COA1: variants seen among roughly 807,000 people sequenced by gnomAD.
The protein encoded by COA1 is cytochrome c oxidase assembly factor 1 homolog.
Under a neutral mutation model 16.0 loss-of-function variants are expected in COA1, and 13 were observed. The ratio of observed to expected loss-of-function variants is 0.81; its 90% CI spans 0.53 to 1.29. COA1 has a LOEUF of 1.29. COA1 is among the 50% of genes most tolerant of loss of function. The pLI, the probability that COA1 is intolerant of heterozygous loss-of-function variation, is 0.00. For synonymous variants in COA1, 65 were observed against 65.7 expected, an observed-to-expected ratio of 0.99 and a Z score of 0.05; for missense variants, 179 against 177.0, an observed-to-expected ratio of 1.01 and a Z score of -0.06.
intron 1 of COA1, among the ~76,000 whole-genome samples, chr7:43,685,284 G>A (rs892862322): frequency 5.3e-5 from 8 of 152,098 alleles, no homozygotes; most frequent in Admixed American, 2.6e-4. Flanking sequence ...AGAGGCAAAG[G>A]GGTGCCCTAT....
intron 1 of COA1, among the ~76,000 whole-genome samples, chr7:43,702,885 C>T (rs2094807063): frequency 6.6e-6 from 1 of 152,094 alleles, no homozygotes; most frequent in African/African-American, 2.4e-5. Context: ...TTTTCTTCTG[C>T]TAGTTTTGAG....
chr7:43,677,294 G>A (rs1363744533), intron 1 of COA1, among the ~76,000 whole-genome samples: 1 of 151,948 alleles, frequency 6.6e-6, no homozygotes, highest in Non-Finnish European at 1.5e-5. Context: ...AAAACATCTG[G>A]GAAAGAAACC....
At chr7:43,683,677 T>C (rs761088814) in intron 1 of COA1, among the ~76,000 whole-genome samples, 4 of 152,138 alleles carry the variant, frequency 2.6e-5, no homozygotes, top group South Asian at 4.1e-4. Flanking sequence ...TCTCAGTAAG[T>C]AGTTCAAATT....
At chr7:43,717,549 T>C (rs566947082) in intron 1 of COA1, among the ~76,000 whole-genome samples, 1 of 152,342 alleles carries the variant, frequency 6.6e-6, no homozygotes, top group African/African-American at 2.4e-5. Flanking sequence ...TACGGGCTTA[T>C]AGGCAGAAGG....
intron 1 of COA1, among the ~76,000 whole-genome samples, chr7:43,692,632 T>C (rs528657459): frequency 1.3e-5 from 2 of 152,220 alleles, no homozygotes; most frequent in Non-Finnish European, 2.9e-5. Flanking sequence ...TCTCATTTCA[T>C]GATGTACAGA....
intron 1 of COA1, among the ~76,000 whole-genome samples, chr7:43,713,973 T>C (rs1563461562): frequency 6.7e-6 from 1 of 150,030 alleles, no homozygotes; most frequent in Non-Finnish European, 1.5e-5. Flanking sequence ...GAGACAAAGG[T>C]TGCAGTGAGC....
intron 1 of COA1, among the ~76,000 whole-genome samples, chr7:43,710,916 G>T (rs1029463738): frequency 6.6e-6 from 1 of 152,044 alleles, no homozygotes; most frequent in Non-Finnish European, 1.5e-5. Flanking sequence ...AGCTGCCAGG[G>T]TTTCATTGTC....
At chr7:43,634,121 T>C (rs956105768) in intron 6 of COA1, among the ~76,000 whole-genome samples, 4 of 151,490 alleles carry the variant, frequency 2.6e-5, no homozygotes, top group Admixed American at 2.0e-4. Flanking sequence ...CACTGAATCT[T>C]TTTTTTAAAT....
At position 43,647,683 on chromosome 7, in the gene COA1, CA is replaced by C. The variant is rs772418941; in HGVS notation, c.16-50del. The C allele has an allele frequency of 3.6e-5, 54 of 1,489,716 alleles. 1 individual carries two copies. The South Asian group carries it at 6.1e-4, about 17-fold the overall frequency. 92.3% of individuals were successfully genotyped at this position (1,489,716 alleles called of 1,614,324 possible). On this transcript the variant is annotated intron_variant, in intron 2 of 5. Coordinates refer to ENST00000223336, the MANE Select transcript of COA1 (RefSeq NM_018224.4). ...TATTGTAGGATTCCCAGTTTTGTGCCAAGGGGATTTGCCCGGCTTGGACCCC... is the reference window on the plus strand; with the variant it reads ...TATTGTAGGATTCCCAGTTTTGTGCCAGGGGATTTGCCCGGCTTGGACCCC...
chr7:43,644,917 G>A (rs1233001519), intron 4 of COA1, among the ~76,000 whole-genome samples: 6 of 151,722 alleles, frequency 4.0e-5, no homozygotes, highest in Admixed American at 3.9e-4. Context: ...AAAGTGCTGA[G>A]AGCTATCAAA....
chr7:43,709,582 C>T (rs1026914446), intron 1 of COA1, among the ~76,000 whole-genome samples: 34 of 152,254 alleles, frequency 2.2e-4, no homozygotes, highest in African/African-American at 7.9e-4. Context: ...TACATATTCA[C>T]ATGTCTATTT....
chr7:43,612,703 A>C, intron 6 of COA1, among the ~76,000 whole-genome samples: 1 of 152,152 alleles, frequency 6.6e-6, no homozygotes, highest in East Asian at 1.9e-4. Context: ...GCTATGGGAA[A>C]TACACTGCTT....
At chr7:43,708,891 T>C (rs2095105555) in intron 1 of COA1, among the ~76,000 whole-genome samples, 3 of 152,196 alleles carry the variant, frequency 2.0e-5, no homozygotes, top group African/African-American at 2.4e-5. Flanking sequence ...AACATGATTT[T>C]TGATAAGCAG....
chr7:43,668,325 T>G (rs574656170), intron 1 of COA1, among the ~76,000 whole-genome samples: 74 of 152,336 alleles, frequency 4.9e-4, no homozygotes, highest in African/African-American at 1.7e-3. Context: ...GGCTCAGCTT[T>G]AAAGGTCTTA....
chr7:43,648,671 T>G lies in COA1; in HGVS notation c.-38-19A>C. 7.6e-6 allele frequency: 12 copies of G among 1,584,834 alleles called. No individual in the cohort carries two copies. In the South Asian group the frequency reaches 1.2e-4, roughly 16 times the overall value. On this transcript the variant is annotated intron_variant, in intron 1 of 5. Transcript: ENST00000223336. ...AGTTGTCCTGCAATTAGAAAAGATT[T>G]TACATTAAAATCATATTTTTAAAGC...
intron 6 of COA1, among the ~76,000 whole-genome samples, chr7:43,619,969 G>C (rs1285092213): frequency 1.3e-5 from 2 of 152,156 alleles, no homozygotes; most frequent in African/African-American, 4.8e-5. Flanking sequence ...ACTTCTAAAA[G>C]GAATAGGAGA....
chr7:43,644,696 TATAGATAGATAGATTAG>T (rs1376232699), intron 4 of COA1, among the ~76,000 whole-genome samples: 1 of 102,158 alleles, frequency 9.8e-6, no homozygotes, highest in Non-Finnish European at 2.0e-5. Flanking sequence ...CTGGCTAAAT[TATAGATAGATAGATTAG>T]ATAGATAGAT....
rs200435122 is a variant in COA1 at position 43,691,471 on chromosome 7, AAGAAAG to A, written c.-39+37952_-39+37957del. 2.8e-3 allele frequency among the ~76,000 whole-genome samples: 399 copies of A among 141,218 alleles called. 3 individuals are homozygous for A. The highest frequency in any genetic ancestry group is 0.011 in the African/African-American group (365 of 34,724). The allele number at this position is 141,218 out of a possible 152,430, so 92.6% of individuals were successfully genotyped here. A position where few individuals can be genotyped will look rare whatever the true frequency, so the allele number is the denominator to read the frequency against. On this transcript the variant is annotated intron_variant, in intron 1 of 5. Coordinates refer to ENST00000223336, the MANE Select transcript of COA1 (RefSeq NM_018224.4). ...AAAGAAAGAAAGAAAGAAAGAAAGA[AAGAAAG>A]AAATTATCATCAATATAACATTTTC...
chr7:43,722,119 C>T (rs1433626374), intron 1 of COA1, among the ~76,000 whole-genome samples: 1 of 145,556 alleles, frequency 6.9e-6, no homozygotes, highest in African/African-American at 2.6e-5. Context: ...GAGACAGGGT[C>T]TCACTCTGTC....
Sources: gnomAD v4.1 joint callset for allele counts (sites outside exome capture counted in the v4.1 genomes callset) on GRCh38, gnomAD v4.1.1 for gene constraint, MANE v1.5 for transcripts, NCBI Gene and HGNC (gene_info 2026-07-23, HGNC 2026-07-21) for gene names.